Variants in ARHGAP18 observed in about 807,000 individuals in gnomAD.
ARHGAP18 encodes rho GTPase-activating protein 18.
A neutral mutation model predicts 86.2 loss-of-function variants in ARHGAP18; 67 were observed. The ratio of observed to expected loss-of-function variants is 0.78; its 90% CI spans 0.64 to 0.95. The LOEUF (loss-of-function observed/expected upper bound fraction) is 0.95, where lower values mean the gene tolerates loss of function less well. Among genes scored for constraint, ARHGAP18 ranks in the 40% least tolerant of loss-of-function variants. The probability of loss-of-function intolerance (pLI) is 0.00; values close to 1 mark genes in which losing one functional copy is unlikely to be tolerated. For missense variants in ARHGAP18, 691 were observed against 780.4 expected (o/e 0.89, Z 1.37); for synonymous variants, 283 against 280.4 (o/e 1.01, Z -0.09).
intron 1 of ARHGAP18, among the ~76,000 whole-genome samples, chr6:129,677,206 A>T (rs561531456): frequency 6.6e-6 from 1 of 152,192 alleles, no homozygotes; most frequent in Non-Finnish European, 1.5e-5. Flanking sequence ...ACCCTGGCTA[A>T]CACGGTGAAA....
At chr6:129,693,395 G>A (rs962453315) in intron 1 of ARHGAP18, among the ~76,000 whole-genome samples, 5 of 152,154 alleles carry the variant, frequency 3.3e-5, no homozygotes, top group African/African-American at 4.8e-5. Context: ...TGCTGGTTCC[G>A]GAAGACTTTT....
At chr6:129,645,232 A>G (rs1039731353) in intron 1 of ARHGAP18, among the ~76,000 whole-genome samples, 1 of 152,160 alleles carries the variant, frequency 6.6e-6, no homozygotes, top group African/African-American at 2.4e-5. Flanking sequence ...AATATATTCT[A>G]CTTTTGTACT....
At chr6:129,625,184 A>G (rs1431747868) in intron 5 of ARHGAP18, among the ~76,000 whole-genome samples, 3 of 89,016 alleles carry the variant, frequency 3.4e-5, no homozygotes, top group African/African-American at 1.5e-4. Flanking sequence ...TATATTATAT[A>G]TTATATATGA....
At chr6:129,629,640 C>T (rs1773151912) in intron 4 of ARHGAP18, 118 bp from the exon 5 acceptor site, 4 of 1,046,532 alleles carry the variant, frequency 3.8e-6, no homozygotes, top group South Asian at 1.7e-5. Flanking sequence ...CTAGGCAATA[C>T]TTAGCCGTTA....
In ARHGAP18 at chr6:129,710,159, C is replaced by A; in HGVS notation, c.-23G>T. 6.4e-7 allele frequency: 1 copy of A among 1,571,922 alleles called. No individual in the cohort carries two copies. Among genetic ancestry groups the A allele is most frequent in the Non-Finnish European group, 8.7e-7 (1 of 1,143,418 alleles). ...CATGGTGAGAGAAGGGACATACTTTCTGCGATCCTGACACAGAGAAGGGGA... is the reference window on the plus strand; with the variant it reads ...CATGGTGAGAGAAGGGACATACTTTATGCGATCCTGACACAGAGAAGGGGA... On this transcript the variant is annotated 5_prime_UTR_variant, in exon 1 of 15. Transcript: ENST00000368149.
intron 1 of ARHGAP18, among the ~76,000 whole-genome samples, chr6:129,687,526 C>G (rs1321901962): frequency 6.6e-6 from 1 of 152,176 alleles, no homozygotes; most frequent in East Asian, 1.9e-4. Flanking sequence ...ACTGAGGACG[C>G]ACCTTCATTC....
intron 5 of ARHGAP18, among the ~76,000 whole-genome samples, chr6:129,625,618 TTA>T (rs1234085343): frequency 2.2e-5 from 1 of 46,000 alleles, no homozygotes; most frequent in East Asian, 6.0e-4. Context: ...TATTATATAT[TTA>T]TATATTATAT....
chr6:129,643,846 G>T (rs1773520587), intron 1 of ARHGAP18, among the ~76,000 whole-genome samples: 1 of 152,148 alleles, frequency 6.6e-6, no homozygotes, highest in Non-Finnish European at 1.5e-5. Flanking sequence ...AAGGGAGAGG[G>T]TCACTAAACT....
intron 1 of ARHGAP18, among the ~76,000 whole-genome samples, chr6:129,655,337 A>AAGAAAAGAAAAG (rs1554339768): frequency 1.0e-5 from 1 of 98,700 alleles, no homozygotes; most frequent in South Asian, 3.0e-4. Context: ...AAAAAAAAAA[A>AAGAAAAGAAAAG]AAAAGAAAAG....
intron 1 of ARHGAP18, among the ~76,000 whole-genome samples, chr6:129,672,647 G>A (rs192433093): frequency 2.0e-5 from 3 of 152,318 alleles, no homozygotes; most frequent in Admixed American, 6.5e-5. Flanking sequence ...CCAGTATGCT[G>A]AGCTAATGCC....
At chr6:129,692,354 AAC>A (rs1774542785) in intron 1 of ARHGAP18, among the ~76,000 whole-genome samples, 1 of 152,138 alleles carries the variant, frequency 6.6e-6, no homozygotes, top group African/African-American at 2.4e-5. Context: ...GGTCCCCAGT[AAC>A]ACAGAGTTCA....
rs115027345 is a variant in ARHGAP18 at position 129,583,159 on chromosome 6, G to A, written c.1838+829C>T. Among the ~76,000 whole-genome samples, 922 of 152,278 alleles carry A rather than the reference G, an allele frequency of 6.1e-3. 10 individuals carry two copies. Among genetic ancestry groups the A allele is most frequent in the African/African-American group, 0.021 (868 of 41,550 alleles). On this transcript the variant is annotated intron_variant, in intron 13 of 14. Transcript: ENST00000368149. ...AAATTCAATGAAAGACCAAGACAGA[G>A]TATTCGTAAACTGAGATGCCAATGC... is the stretch of plus-strand genomic sequence containing the variant.
intron 1 of ARHGAP18, among the ~76,000 whole-genome samples, chr6:129,702,414 C>G (rs766301723): frequency 6.6e-6 from 1 of 151,958 alleles, no homozygotes; most frequent in Non-Finnish European, 1.5e-5. Flanking sequence ...CCTTTTTTAT[C>G]GAAAGAAAAT....
At chr6:129,634,944 C>G (rs549755249) in intron 3 of ARHGAP18, among the ~76,000 whole-genome samples, 14 of 151,504 alleles carry the variant, frequency 9.2e-5, no homozygotes, top group Non-Finnish European at 1.8e-4. Context: ...ACCAAACCAG[C>G]AATAAGACCT....
At chr6:129,662,570 CTCCT>C in intron 1 of ARHGAP18, among the ~76,000 whole-genome samples, 1 of 152,336 alleles carries the variant, frequency 6.6e-6, no homozygotes, top group Middle Eastern at 3.4e-3. Context: ...GTCAGATGGC[CTCCT>C]TCGAGTGATA....
At chr6:129,698,172 C>A (rs1044290236) in intron 1 of ARHGAP18, among the ~76,000 whole-genome samples, 1 of 152,098 alleles carries the variant, frequency 6.6e-6, no homozygotes, top group Non-Finnish European at 1.5e-5. Flanking sequence ...TCCTTCAGAG[C>A]AGGAATTTGT....
At chr6:129,703,821 C>T (rs541764787) in intron 1 of ARHGAP18, among the ~76,000 whole-genome samples, 3 of 152,236 alleles carry the variant, frequency 2.0e-5, no homozygotes, top group Middle Eastern at 3.4e-3. Context: ...AACAATTATC[C>T]CCATGGACAG....
At position 129,578,388 on chromosome 6, in the gene ARHGAP18, A is replaced by C. The variant is rs547808379; in HGVS notation, c.*125T>G. On this transcript the variant is annotated 3_prime_UTR_variant, in exon 15 of 15. Transcript: ENST00000368149. The stretch of plus-strand genomic sequence containing the variant: ...TCTATGACTTTTTAAGGCTTAAGAG[A>C]GTCATTTTTAAATACTTGGGTACAA... 94 of 545,200 alleles carry C rather than the reference A, an allele frequency of 1.7e-4. No homozygotes were observed. The highest frequency in any genetic ancestry group is 7.9e-4 in the African/African-American group (41 of 52,084). The allele number at this position is 545,200 out of a possible 1,614,324, so 33.8% of individuals were successfully genotyped here.
intron 3 of ARHGAP18, among the ~76,000 whole-genome samples, chr6:129,635,813 A>G (rs1194800517): frequency 1.3e-5 from 2 of 152,178 alleles, no homozygotes; most frequent in Non-Finnish European, 2.9e-5. Flanking sequence ...AGTGTAAGCA[A>G]GTTAACATTA....
Sources: gnomAD v4.1 joint callset for allele counts (sites outside exome capture counted in the v4.1 genomes callset) on GRCh38, gnomAD v4.1.1 for gene constraint, MANE v1.5 for transcripts, NCBI Gene and HGNC (gene_info 2026-07-23, HGNC 2026-07-21) for gene names.